GAS2L3: variants seen among roughly 807,000 people sequenced by gnomAD.
GAS2L3 encodes the protein GAS2-like protein 3.
GAS2L3 carries 28 observed loss-of-function variants against 37.0 expected under a neutral mutation model. The observed-to-expected ratio is 0.76, with a 90% confidence interval of 0.56 to 1.04. GAS2L3 has a LOEUF of 1.04. Ranked by LOEUF, GAS2L3 falls within the 50% of genes least tolerant of loss-of-function variation. The probability of loss-of-function intolerance (pLI) is 0.00; values close to 1 mark genes in which losing one functional copy is unlikely to be tolerated. For missense variants in GAS2L3, 793 were observed against 817.6 expected (o/e 0.97, Z 0.37); for synonymous variants, 290 against 296.6 (o/e 0.98, Z 0.23).
chr12:100,624,459 C>A lies in GAS2L3; in HGVS notation c.1654C>A (p.Gln552Lys). The A allele has an allele frequency of 6.2e-7, 1 of 1,614,064 alleles. No individual in the cohort carries two copies. The highest frequency in any genetic ancestry group is 2.2e-5 in the East Asian group (1 of 44,850). The part of the protein sequence containing the change: ...GAPQAKPVPA[Q>K]KLKSALNLNQ... ...CCCACAAGCAAAGCCAGTCCCAGCACAGAAACTTAAATCGGCCTTGAATTT... is the reference window on the plus strand; with the variant it reads ...CCCACAAGCAAAGCCAGTCCCAGCAAAGAAACTTAAATCGGCCTTGAATTT... The change falls in exon 10 of 10, where the codon CAG (glutamine) becomes AAG (lysine). Residue 552 changes from glutamine to lysine, a missense_variant. Transcript: ENST00000547754.
In GAS2L3 at chr12:100,622,398, A is replaced by C. The variant is rs1449779470; in HGVS notation, c.756+16A>C. The C allele has an allele frequency of 8.1e-7, 1 of 1,230,550 alleles. No homozygotes were observed. Among genetic ancestry groups the C allele is most frequent in the Admixed American group, 1.8e-5 (1 of 55,666 alleles). The allele number at this position is 1,230,550 out of a possible 1,614,324, so 76.2% of individuals were successfully genotyped here. A position where few individuals can be genotyped will look rare whatever the true frequency, so the allele number is the denominator to read the frequency against. Reference sequence around the variant, plus strand: ...CTTTATAAGAGTAAGTCCATTATTTACACTTTATTTACACATAAATACTGT... The same window carrying C: ...CTTTATAAGAGTAAGTCCATTATTTCCACTTTATTTACACATAAATACTGT... On this transcript the variant is annotated intron_variant, in intron 9 of 9. Coordinates refer to ENST00000547754, the MANE Select transcript of GAS2L3 (RefSeq NM_174942.3).
At chr12:100,618,356 A>T in intron 7 of GAS2L3, 93 bp from the exon 8 acceptor site, 2 of 1,287,796 alleles carry the variant, frequency 1.6e-6, no homozygotes, top group East Asian at 2.4e-5. Flanking sequence ...AGGATCATAT[A>T]GACTTTACTT....
At chr12:100,623,247 C>T (rs1295781592) in intron 9 of GAS2L3, among the ~76,000 whole-genome samples, 2 of 152,104 alleles carry the variant, frequency 1.3e-5, no homozygotes, top group Admixed American at 6.6e-5. Flanking sequence ...GATTTGCTTA[C>T]TGAATGGACA....
intron 1 of GAS2L3, among the ~76,000 whole-genome samples, chr12:100,581,076 A>G (rs947303897): frequency 2.6e-5 from 4 of 152,206 alleles, no homozygotes; most frequent in African/African-American, 9.7e-5. Flanking sequence ...TTGATAGTGC[A>G]GAGAAACCCT....
Position 100,624,846 on chromosome 12 carries a change from G to A in GAS2L3, c.2041G>A (p.Asp681Asn), listed in dbSNP as rs1424231343. 2 of 1,607,342 alleles carry A rather than the reference G, an allele frequency of 1.2e-6. No homozygotes were observed. Among genetic ancestry groups the A allele is most frequent in the Non-Finnish European group, 1.7e-6 (2 of 1,175,296 alleles). ...TACTGCAAAGAAAAAGGAAGATGAT[G>A]ACCATTATTTTGTCATGACTGGAAG... ...KPTAKKKEDD[D>N]HYFVMTGSKK... The change falls in exon 10 of 10, where the codon GAC becomes AAC. Residue 681 changes from aspartate to asparagine, a missense_variant. By Grantham distance (23) the Asp-to-Asn change is conservative. Transcript: ENST00000547754.
chr12:100,600,469 G>A lies in GAS2L3; in HGVS notation c.106G>A (p.Asp36Asn), dbSNP rs528135912. ...GPGLANVCQY[D>N]EWIAVRHEAT... The stretch of plus-strand genomic sequence containing the variant: ...AGGATTGGCTAATGTTTGTCAGTAC[G>A]ATGAGTGGATAGCTGTGAGGCATGA... Residue 36 changes from aspartate (D) to asparagine (N), a missense_variant, in exon 4 of 10, where the codon GAT becomes AAT. Transcript: ENST00000547754. The A allele has an allele frequency of 5.0e-6, 8 of 1,613,192 alleles. No homozygotes were observed. The South Asian group carries it at 5.5e-5, about 11-fold the overall frequency.
chr12:100,604,474 G>T (rs796777507), intron 5 of GAS2L3, among the ~76,000 whole-genome samples: 98 of 129,250 alleles, frequency 7.6e-4, no homozygotes, highest in South Asian at 1.0e-3. Flanking sequence ...AGCTGTAGTT[G>T]TTTTTTTTTT....
rs755459843 is a variant in GAS2L3, at chr12:100,624,662, C to G, written c.1857C>G (p.Pro619=). 10 of 1,613,982 alleles carry G rather than the reference C, an allele frequency of 6.2e-6. No homozygotes were observed. The highest frequency in any genetic ancestry group is 8.5e-6 in the Non-Finnish European group (10 of 1,180,036). ...CCCCACTGTCCATCGTGAGCCTACC[C>G]CAGTCTTCTACCAAAACACAAACTG... is the stretch of plus-strand genomic sequence containing the variant. ...GRTPLSIVSL[P]QSSTKTQTAP... The change falls in exon 10 of 10, where the codon CCC becomes CCG. Residue 619 remains proline (P), a synonymous_variant. Coordinates refer to ENST00000547754, the MANE Select transcript of GAS2L3 (RefSeq NM_174942.3).
chr12:100,622,749 T>TAAAAAAAAAAAAAAAAAAAAAAA lies in GAS2L3; in HGVS notation c.756+378_756+400dup. Among the ~76,000 whole-genome samples the TAAAAAAAAAAAAAAAAAAAAAAA allele has an allele frequency of 6.0e-4, 16 of 26,846 alleles. 2 individuals are homozygous for TAAAAAAAAAAAAAAAAAAAAAAA. The highest frequency in any genetic ancestry group is 7.8e-4 in the Admixed American group (1 of 1,290). 17.6% of individuals were successfully genotyped at this position (26,846 alleles called of 152,430 possible). The stretch of plus-strand genomic sequence containing the variant: ...ATCTAATAAGATTGAGTATCCATAG[T>TAAAAAAAAAAAAAAAAAAAAAAA]AAAAAAAAAAAAAAAAAAAAAAAAA... On this transcript the variant is annotated intron_variant, in intron 9 of 9. Coordinates refer to ENST00000547754, the MANE Select transcript of GAS2L3 (RefSeq NM_174942.3).
intron 1 of GAS2L3, among the ~76,000 whole-genome samples, chr12:100,589,928 T>C (rs769027575): frequency 6.6e-5 from 10 of 152,160 alleles, no homozygotes; most frequent in Non-Finnish European, 1.3e-4. Flanking sequence ...GGATTAAGGA[T>C]TTAAACCTAA....
intron 5 of GAS2L3, among the ~76,000 whole-genome samples, chr12:100,608,802 C>T (rs1413854542): frequency 1.3e-5 from 2 of 152,180 alleles, no homozygotes; most frequent in South Asian, 4.1e-4. Context: ...TGAGCTGCTA[C>T]ACCCGGCCTG....
At chr12:100,613,693 C>T (rs894363644) in intron 6 of GAS2L3, among the ~76,000 whole-genome samples, 3 of 151,618 alleles carry the variant, frequency 2.0e-5, no homozygotes, top group Non-Finnish European at 2.9e-5. Flanking sequence ...CTCCTGGGTT[C>T]CCGCCATTCT....
intron 5 of GAS2L3, among the ~76,000 whole-genome samples, chr12:100,602,736 T>C (rs1251728240): frequency 6.6e-6 from 1 of 152,104 alleles, no homozygotes; most frequent in Non-Finnish European, 1.5e-5. Flanking sequence ...CTAGGTCTTA[T>C]TAATTCTTTC....
At position 100,584,698 on chromosome 12, in the gene GAS2L3, C is replaced by T. The variant is rs974068354; in HGVS notation, c.-151-7038C>T. ...AAGCAATTCTTCTGCCTCAGCCTCCCGAGTAGCTGGGACTATGGGTGCTGC... is the reference window on the plus strand; with the variant it reads ...AAGCAATTCTTCTGCCTCAGCCTCCTGAGTAGCTGGGACTATGGGTGCTGC... On this transcript the variant is annotated intron_variant, in intron 1 of 9. Transcript: ENST00000547754. 5.9e-5 allele frequency among the ~76,000 whole-genome samples: 9 copies of T among 151,990 alleles called. No individual in the cohort carries two copies. In the East Asian group the frequency reaches 1.2e-3, roughly 20 times the overall value.
At chr12:100,615,277 T>C (rs1190643177) in intron 6 of GAS2L3, among the ~76,000 whole-genome samples, 2 of 152,226 alleles carry the variant, frequency 1.3e-5, no homozygotes, top group African/African-American at 2.4e-5. Flanking sequence ...TTTTATATAC[T>C]TGTTAACCAC....
chr12:100,596,713 T>C (rs1955917427), intron 3 of GAS2L3, among the ~76,000 whole-genome samples: 1 of 152,130 alleles, frequency 6.6e-6, no homozygotes, highest in Non-Finnish European at 1.5e-5. Context: ...TCATTCTGAT[T>C]AATAAATAAA....
At chr12:100,602,889 T>C (rs893015260) in intron 5 of GAS2L3, among the ~76,000 whole-genome samples, 1 of 152,146 alleles carries the variant, frequency 6.6e-6, no homozygotes, top group African/African-American at 2.4e-5. Context: ...ATTGAGAACA[T>C]GTGGTGATTG....
chr12:100,615,666 A>G (rs1335938221), intron 6 of GAS2L3, among the ~76,000 whole-genome samples: 2 of 152,058 alleles, frequency 1.3e-5, no homozygotes, highest in Non-Finnish European at 2.9e-5. Flanking sequence ...TAATTTTTGT[A>G]TATGGTGGGA....
At chr12:100,610,917 C>T (rs1482967338) in intron 5 of GAS2L3, 1 of 151,776 alleles carries the variant, frequency 6.6e-6, no homozygotes, top group East Asian at 1.9e-4. Flanking sequence ...TGATAGTCTC[C>T]TCAAGAAACT....
Sources: allele counts gnomAD v4.1 joint callset (sites outside exome capture counted in the v4.1 genomes callset), GRCh38; gene constraint gnomAD v4.1.1; transcripts MANE v1.5; gene names NCBI Gene and HGNC (gene_info 2026-07-23, HGNC 2026-07-21).